MALRD1: variants seen among roughly 807,000 people sequenced by gnomAD.
MALRD1 encodes MAM and LDL receptor class A domain containing 1, also known as MAM and LDL-receptor class A domain-containing protein 1.
In MALRD1, 247 loss-of-function variants were observed where a neutral mutation model predicts 242.1. The ratio of observed to expected loss-of-function variants is 1.02; its 90% CI spans 0.92 to 1.13. MALRD1 has a LOEUF of 1.13. Among genes scored for constraint, MALRD1 ranks in the 50% most tolerant of loss-of-function variants. The pLI is 0.00. For synonymous variants in MALRD1, 995 were observed against 866.6 expected (o/e 1.15, Z -2.60); for missense variants, 2,989 against 2,533.1 (o/e 1.18, Z -3.86).
chr10:19,678,910 T>A (rs1021089913), intron 36 of MALRD1, among the ~76,000 whole-genome samples: 1 of 151,972 alleles, frequency 6.6e-6, no homozygotes, highest in African/African-American at 2.4e-5. Context: ...AGACAATCCA[T>A]GATTATGTGA....
At chr10:19,488,312 G>A (rs1837322052) in intron 29 of MALRD1, among the ~76,000 whole-genome samples, 1 of 152,090 alleles carries the variant, frequency 6.6e-6, no homozygotes, top group African/African-American at 2.4e-5. Context: ...TCTATGTGAG[G>A]CCCAAGAGAA....
intron 31 of MALRD1, among the ~76,000 whole-genome samples, chr10:19,518,429 TC>T (rs1412505773): frequency 1.3e-5 from 2 of 152,212 alleles, no homozygotes; most frequent in African/African-American, 4.8e-5. Flanking sequence ...TTTTATATTT[TC>T]TTTATCTTTT....
rs932153073 is a variant in MALRD1, at chr10:19,692,462, A to G, written c.6222A>G (p.Thr2074=). 17 of 1,535,438 alleles carry G rather than the reference A, an allele frequency of 1.1e-5. No homozygotes were observed. In the East Asian group the frequency reaches 2.4e-4, roughly 22 times the overall value. Residue 2074 remains threonine (T), a synonymous_variant, in exon 38 of 40, where the codon ACA becomes ACG. Transcript: ENST00000454679. ...ATDFTYAQNN[T]WTLLGIGLAF... is the part of the protein sequence containing the mutation. ...TTCTTTGGTTTAAAATTCCAGATAC[A>G]TGGACTCTCCTGGGTATTGGATTAG...
intron 18 of MALRD1, among the ~76,000 whole-genome samples, chr10:19,256,814 C>T (rs1207301026): frequency 1.3e-5 from 2 of 152,078 alleles, no homozygotes. Context: ...TCAACTCCCA[C>T]ATATAACATT....
chr10:19,062,369 C>A (rs1834847963), intron 1 of MALRD1, among the ~76,000 whole-genome samples: 1 of 152,152 alleles, frequency 6.6e-6, no homozygotes, highest in African/African-American at 2.4e-5. Context: ...AAACAGATGG[C>A]AATTCCTCAA....
chr10:19,650,223 GA>G (rs1347671627), intron 36 of MALRD1, among the ~76,000 whole-genome samples: 1 of 152,116 alleles, frequency 6.6e-6, no homozygotes, highest in Admixed American at 6.6e-5. Flanking sequence ...TATCCTATCT[GA>G]AAAAGTCTAC....
intron 31 of MALRD1, among the ~76,000 whole-genome samples, chr10:19,502,093 G>T (rs1055542932): frequency 6.6e-6 from 1 of 151,678 alleles, no homozygotes; most frequent in African/African-American, 2.4e-5. Context: ...AGAAAATCCA[G>T]TATACATGGT....
At chr10:19,293,840 A>G (rs561831406) in intron 21 of MALRD1, among the ~76,000 whole-genome samples, 6 of 152,320 alleles carry the variant, frequency 3.9e-5, no homozygotes, top group African/African-American at 1.4e-4. Context: ...TAATCTTTAC[A>G]ACAAATCCCC....
chr10:19,387,378 G>T, intron 26 of MALRD1, 150 bp from the exon 27 acceptor site: 1 of 798,614 alleles, frequency 1.3e-6, no homozygotes, highest in Non-Finnish European at 1.9e-6. Flanking sequence ...AGCAGAGTGG[G>T]AGAGAGAGAG....
intron 21 of MALRD1, among the ~76,000 whole-genome samples, chr10:19,293,015 A>T (rs984077745): frequency 1.3e-5 from 2 of 151,930 alleles, no homozygotes; most frequent in East Asian, 1.9e-4. Flanking sequence ...AAATATTATA[A>T]TTTTTTTCTG....
chr10:19,446,482 C>T (rs780953324), intron 28 of MALRD1, among the ~76,000 whole-genome samples: 1 of 152,098 alleles, frequency 6.6e-6, no homozygotes, highest in Non-Finnish European at 1.5e-5. Flanking sequence ...GTTGTATATT[C>T]ACTTCAAACA....
At chr10:19,201,603 A>G (rs1273115818) in intron 14 of MALRD1, among the ~76,000 whole-genome samples, 2 of 152,206 alleles carry the variant, frequency 1.3e-5, no homozygotes, top group African/African-American at 2.4e-5. Context: ...TTTGCTTCCC[A>G]GGTATTGAAA....
chr10:19,635,643 G>C (rs1282581305), intron 36 of MALRD1, among the ~76,000 whole-genome samples: 1 of 152,120 alleles, frequency 6.6e-6, no homozygotes, highest in Non-Finnish European at 1.5e-5. Flanking sequence ...AAGCTACAAT[G>C]TATGGCTGCT....
At position 19,486,084 on chromosome 10, in the gene MALRD1, A is replaced by T. The variant is rs1240563567; in HGVS notation, c.5030-5433A>T. Among the ~76,000 whole-genome samples, 3 of 129,168 alleles carry T rather than the reference A, an allele frequency of 2.3e-5. 1 individual carries two copies. The highest frequency in any genetic ancestry group is 7.6e-5 in the Admixed American group (1 of 13,082). The allele number at this position is 129,168 out of a possible 152,430, so 84.7% of individuals were successfully genotyped here. The stretch of plus-strand genomic sequence containing the variant: ...AAAAATGCGACAAAATGTTAAAGAC[A>T]TTGTGTAAAGAAGGAGAGATTGTTT... On this transcript the variant is annotated intron_variant, in intron 29 of 39. Transcript: ENST00000454679.
At chr10:19,290,840 A>G (rs1001682519) in intron 21 of MALRD1, among the ~76,000 whole-genome samples, 1 of 152,114 alleles carries the variant, frequency 6.6e-6, no homozygotes. Context: ...AATACTGTAT[A>G]TTTGCAGGTC....
intron 28 of MALRD1, among the ~76,000 whole-genome samples, chr10:19,441,790 G>A (rs1292323605): frequency 6.7e-6 from 1 of 150,244 alleles, no homozygotes; most frequent in African/African-American, 2.5e-5. Flanking sequence ...TGTTCTTTCG[G>A]CTTAGGATTG....
intron 1 of MALRD1, among the ~76,000 whole-genome samples, chr10:19,056,503 A>G (rs983440524): frequency 6.6e-6 from 1 of 152,134 alleles, no homozygotes. Context: ...TTATTAGTAT[A>G]TAGAAAAACG....
chr10:19,199,434 A>C (rs571699274), intron 14 of MALRD1, among the ~76,000 whole-genome samples: 12 of 152,336 alleles, frequency 7.9e-5, no homozygotes, highest in Admixed American at 4.6e-4. Context: ...TTGGGTTAGA[A>C]TCATGACAAT....
intron 38 of MALRD1, among the ~76,000 whole-genome samples, chr10:19,726,226 A>T (rs1440267759): frequency 6.6e-6 from 1 of 152,210 alleles, no homozygotes; most frequent in Non-Finnish European, 1.5e-5. Context: ...AATATCCAGA[A>T]TATATAAAAA....
Sources: gnomAD v4.1 joint callset for allele counts (sites outside exome capture counted in the v4.1 genomes callset) on GRCh38, gnomAD v4.1.1 for gene constraint, MANE v1.5 for transcripts, NCBI Gene and HGNC (gene_info 2026-07-23, HGNC 2026-07-21) for gene names.